SLC39A8: variants seen among roughly 807,000 people sequenced by gnomAD.
SLC39A8 encodes the protein metal cation symporter ZIP8.
Under a neutral mutation model 40.4 loss-of-function variants are expected in SLC39A8, and 15 were observed. The ratio of observed to expected loss-of-function variants is 0.37; its 90% confidence interval spans 0.25 to 0.57. The LOEUF is 0.57. SLC39A8 is among the 20% of genes least tolerant of loss of function. The pLI, the probability that SLC39A8 is intolerant of heterozygous loss-of-function variation, is 0.75. For missense variants in SLC39A8, 472 were observed against 558.8 expected (o/e 0.84, Z 1.57); for synonymous variants, 223 against 221.6 (o/e 1.01, Z -0.06).
At chr4:102,272,382 T>C (rs909227353) in intron 6 of SLC39A8, among the ~76,000 whole-genome samples, 2 of 150,454 alleles carry the variant, frequency 1.3e-5, no homozygotes, top group African/African-American at 4.9e-5. Context: ...GAGCTTGCAG[T>C]GAGCCGAGAT....
chr4:102,263,228 C>T lies in SLC39A8; in HGVS notation c.1234-35G>A, dbSNP rs1205998140. 16 of 1,592,854 alleles carry T rather than the reference C, an allele frequency of 1.0e-5. No individual in the cohort carries two copies. The South Asian group carries it at 1.7e-4, about 17-fold the overall frequency. ...AGATATATTGTTAGATAACTGTTGC[C>T]ATCTTGTGGCAAACCACAAAACAGT... On this transcript the variant is annotated intron_variant, in intron 8 of 8. Transcript: ENST00000356736.
intron 3 of SLC39A8, 82 bp from the exon 4 acceptor site, chr4:102,307,687 G>T: frequency 7.2e-7 from 1 of 1,395,436 alleles, no homozygotes; most frequent in Non-Finnish European, 9.9e-7. Context: ...AAGCTTAAAA[G>T]TGTCTTTAAA....
chr4:102,327,905 T>C (rs181451131), intron 2 of SLC39A8, among the ~76,000 whole-genome samples: 2 of 152,334 alleles, frequency 1.3e-5, no homozygotes, highest in Admixed American at 1.3e-4. Context: ...TAAGTTTTTC[T>C]TCTCATTCTA....
At chr4:102,275,151 A>T (rs1244521163) in intron 6 of SLC39A8, among the ~76,000 whole-genome samples, 2 of 152,200 alleles carry the variant, frequency 1.3e-5, no homozygotes, top group Non-Finnish European at 2.9e-5. Flanking sequence ...AAAGGCACAG[A>T]CTGGCAAATT....
At chr4:102,328,228 C>A (rs1318952375) in intron 2 of SLC39A8, among the ~76,000 whole-genome samples, 2 of 152,122 alleles carry the variant, frequency 1.3e-5, no homozygotes, top group East Asian at 1.9e-4. Flanking sequence ...TTCCTCAACC[C>A]ATTGTGGTCT....
chr4:102,305,087 C>T lies in SLC39A8; in HGVS notation c.577G>A (p.Asp193Asn), dbSNP rs370997412. ...PEAFGFDPKV[D>N]SYVEKAVAVF... ...GCAACTGCCTTCTCAACATAACTGT[C>T]GACTTTGGGATCAAATCCAAATGCC... Residue 193 changes from aspartate (D) to asparagine (N), a missense_variant, in exon 5 of 9, where the codon GAC becomes AAC. Physicochemically the swap from Asp to Asn is conservative, Grantham distance 23. Coordinates refer to ENST00000356736, the MANE Select transcript of SLC39A8 (RefSeq NM_001135146.2). 33 of 1,608,330 alleles carry T rather than the reference C, an allele frequency of 2.1e-5. No homozygotes were observed. The highest frequency in any genetic ancestry group is 8.0e-5 in the African/African-American group (6 of 74,590).
chr4:102,265,693 T>G (rs2149003304), intron 8 of SLC39A8, among the ~76,000 whole-genome samples: 1 of 152,368 alleles, frequency 6.6e-6, no homozygotes, highest in South Asian at 2.1e-4. Flanking sequence ...ACTTTGGATG[T>G]TTAAAGGTTT....
chr4:102,295,007 G>A (rs1405562159), intron 6 of SLC39A8, among the ~76,000 whole-genome samples: 1 of 151,424 alleles, frequency 6.6e-6, no homozygotes, highest in Non-Finnish European at 1.5e-5. Flanking sequence ...ACAAACATAA[G>A]AGGCTGGAAA....
intron 6 of SLC39A8, among the ~76,000 whole-genome samples, chr4:102,298,361 C>T (rs981641211): frequency 6.6e-6 from 1 of 151,966 alleles, no homozygotes; most frequent in Non-Finnish European, 1.5e-5. Context: ...AGAAATTCCA[C>T]TAACAGCAAA....
intron 11 of SLC39A8, among the ~76,000 whole-genome samples, chr4:102,255,897 A>G (rs1731698115): frequency 6.6e-6 from 1 of 152,350 alleles, no homozygotes; most frequent in East Asian, 1.9e-4. Context: ...AAAACACCAA[A>G]GGATCGCTAT....
chr4:102,252,236 C>T (rs1250551273), exon 12 of SLC39A8: 2 of 152,350 alleles, frequency 1.3e-5, no homozygotes, highest in African/African-American at 2.4e-5. Flanking sequence ...AATTTACAGA[C>T]AGGTCTGTCT....
At chr4:102,323,832 G>A (rs1167321038) in intron 2 of SLC39A8, among the ~76,000 whole-genome samples, 6 of 152,210 alleles carry the variant, frequency 3.9e-5, no homozygotes, top group Admixed American at 3.9e-4. Context: ...GTCCAACACT[G>A]AGAAGGATTC....
At chr4:102,285,024 G>C (rs1309423761) in intron 6 of SLC39A8, among the ~76,000 whole-genome samples, 1 of 152,106 alleles carries the variant, frequency 6.6e-6, no homozygotes, top group African/African-American at 2.4e-5. Context: ...CTTTCACTAA[G>C]TTGGTATAAA....
chr4:102,320,191 G>A (rs374894914), intron 2 of SLC39A8, among the ~76,000 whole-genome samples: 63 of 66,490 alleles, frequency 9.5e-4, no homozygotes, highest in Middle Eastern at 0.012. Flanking sequence ...ATATATATAT[G>A]TATATATATA....
intron 2 of SLC39A8, among the ~76,000 whole-genome samples, chr4:102,330,977 C>T (rs1274269031): frequency 2.0e-5 from 3 of 152,212 alleles, no homozygotes; most frequent in African/African-American, 7.2e-5. Context: ...TTCAACACCA[C>T]TTCATGCTAA....
intron 6 of SLC39A8, among the ~76,000 whole-genome samples, chr4:102,278,395 C>G (rs574927122): frequency 6.6e-6 from 1 of 152,318 alleles, no homozygotes; most frequent in African/African-American, 2.4e-5. Flanking sequence ...AAAGGCTCAT[C>G]ATCCACTGAT....
At chr4:102,278,474 A>G (rs1374215428) in intron 6 of SLC39A8, among the ~76,000 whole-genome samples, 1 of 152,232 alleles carries the variant, frequency 6.6e-6, no homozygotes, top group Non-Finnish European at 1.5e-5. Context: ...TCGATCACTA[A>G]AATGTCAGGA....
At chr4:102,284,578 G>A (rs1733071229) in intron 6 of SLC39A8, among the ~76,000 whole-genome samples, 1 of 152,090 alleles carries the variant, frequency 6.6e-6, no homozygotes, top group East Asian at 1.9e-4. Flanking sequence ...TATGGACCAG[G>A]ATATCATTCA....
chr4:102,331,720 G>A (rs943247838), intron 2 of SLC39A8, among the ~76,000 whole-genome samples: 1 of 151,964 alleles, frequency 6.6e-6, no homozygotes, highest in Admixed American at 6.6e-5. Context: ...CAAACCTAAG[G>A]AAAAAGAACA....
Sources: gnomAD v4.1 joint callset for allele counts (sites outside exome capture counted in the v4.1 genomes callset) on GRCh38, gnomAD v4.1.1 for gene constraint, MANE v1.5 for transcripts, NCBI Gene and HGNC (gene_info 2026-07-23, HGNC 2026-07-21) for gene names.